Variants in PIK3R1 observed in about 807,000 individuals in gnomAD.
The protein encoded by PIK3R1 is phosphatidylinositol 3-kinase regulatory subunit alpha.
PIK3R1 carries 29 observed loss-of-function variants against 98.0 expected under a neutral mutation model. That is an observed-to-expected ratio of 0.30 (90% CI 0.22 to 0.40). PIK3R1 has a LOEUF of 0.40. PIK3R1 is among the 10% of genes least tolerant of loss of function. The probability of loss-of-function intolerance (pLI) is 1.00; values close to 1 mark genes in which losing one functional copy is unlikely to be tolerated. For synonymous variants in PIK3R1, 282 were observed against 311.8 expected (o/e 0.90, Z 1.01); for missense variants, 596 against 872.7 (o/e 0.68, Z 3.99).
intron 2 of PIK3R1, among the ~76,000 whole-genome samples, chr5:68,243,867 T>A (rs1744962229): frequency 6.6e-6 from 1 of 152,228 alleles, no homozygotes; most frequent in Non-Finnish European, 1.5e-5. Context: ...CTCCTTAAGC[T>A]TCGTGGACAA....
At chr5:68,294,389 A>G in intron 11 of PIK3R1, 147 bp from the exon 12 acceptor site, 1 of 508,808 alleles carries the variant, frequency 2.0e-6, no homozygotes. Flanking sequence ...CAGAGGAAAT[A>G]CTTGTTTCTG....
intron 7 of PIK3R1, chr5:68,288,747 G>A: frequency 6.2e-7 from 1 of 1,613,698 alleles, no homozygotes; most frequent in South Asian, 1.1e-5. Context: ...TGCATAACCT[G>A]CAAAGTAAGT....
rs540078179 is a variant in PIK3R1 at position 68,233,918 on chromosome 5, TTGTC to T, written c.334+6915_334+6918del. Among the ~76,000 whole-genome samples the T allele has an allele frequency of 5.0e-4, 76 of 152,366 alleles. 1 individual carries two copies. The South Asian group carries it at 6.8e-3, about 14-fold the overall frequency. ...GGAGGTGTTTGCGATGTATTTGTAT[TTGTC>T]TGTCTATCTATTCTCAGTTGGTAGA... On this transcript the variant is annotated intron_variant, in intron 2 of 15. Transcript: ENST00000521381.
chr5:68,288,670 GA>G, intron 7 of PIK3R1: 1 of 1,609,932 alleles, frequency 6.2e-7, no homozygotes, highest in South Asian at 1.1e-5. Context: ...CTTGGTGGAA[GA>G]ACAGCTTTGG....
At chr5:68,232,659 C>T (rs112425859) in intron 2 of PIK3R1, among the ~76,000 whole-genome samples, 3,064 of 152,276 alleles carry the variant, frequency 0.02, 86 homozygotes, top group African/African-American at 0.065. Context: ...GTTTCTGCCT[C>T]TGTCCTTTAG....
At chr5:68,258,888 C>T (rs980152731) in intron 2 of PIK3R1, among the ~76,000 whole-genome samples, 1 of 152,316 alleles carries the variant, frequency 6.6e-6, no homozygotes, top group Non-Finnish European at 1.5e-5. Flanking sequence ...CGACTAAATG[C>T]CTTCCAATAG....
At chr5:68,234,380 A>T (rs140657332) in intron 2 of PIK3R1, among the ~76,000 whole-genome samples, 2 of 152,354 alleles carry the variant, frequency 1.3e-5, no homozygotes, top group Non-Finnish European at 2.9e-5. Flanking sequence ...GAGAGGATTT[A>T]TGCAGAGAAA....
chr5:68,229,993 G>C (rs946059439), intron 2 of PIK3R1, among the ~76,000 whole-genome samples: 2 of 152,192 alleles, frequency 1.3e-5, no homozygotes, highest in Non-Finnish European at 2.9e-5. Context: ...TCCTTATTTT[G>C]TGCTGGAAAG....
chr5:68,255,825 C>T (rs760499627), intron 2 of PIK3R1, among the ~76,000 whole-genome samples: 4 of 152,112 alleles, frequency 2.6e-5, no homozygotes, highest in Non-Finnish European at 5.9e-5. Context: ...ATTACAAATT[C>T]CCAAAAAGTG....
intron 2 of PIK3R1, among the ~76,000 whole-genome samples, chr5:68,264,665 C>T (rs1746048722): frequency 6.6e-6 from 1 of 152,182 alleles, no homozygotes; most frequent in Non-Finnish European, 1.5e-5. Flanking sequence ...TCCCTAACTC[C>T]TCCCACCCCA....
At chr5:68,280,422 C>A (rs989887379) in intron 5 of PIK3R1, 106 bp from the exon 6 acceptor site, 11 of 765,744 alleles carry the variant, frequency 1.4e-5, no homozygotes, top group Admixed American at 2.3e-5. Context: ...TTTTAAATGA[C>A]TCCTATAGCT....
Position 68,298,770 on chromosome 5 carries a change from A to G in PIK3R1, c.*1169A>G, listed in dbSNP as rs1446475087. The G allele has an allele frequency of 4.3e-6, 1 of 233,512 alleles. No homozygotes were observed. Among genetic ancestry groups the G allele is most frequent in the East Asian group, 6.1e-5 (1 of 16,526 alleles). 14.5% of individuals were successfully genotyped at this position (233,512 alleles called of 1,614,324 possible). ...AATGAAAAAGATATATGAATATGAC[A>G]AAGTATTGCTGAGTCCAACAATGTT... On this transcript the variant is annotated 3_prime_UTR_variant, in exon 16 of 16. Coordinates refer to ENST00000521381, the MANE Select transcript of PIK3R1 (RefSeq NM_181523.3).
chr5:68,255,724 A>G (rs1175300391), intron 2 of PIK3R1, among the ~76,000 whole-genome samples: 1 of 152,230 alleles, frequency 6.6e-6, no homozygotes, highest in East Asian at 1.9e-4. Flanking sequence ...GCTGCTCCCT[A>G]TAGCACTGGA....
chr5:68,252,682 T>C (rs1162191818), intron 2 of PIK3R1, among the ~76,000 whole-genome samples: 2 of 152,212 alleles, frequency 1.3e-5, no homozygotes, highest in Non-Finnish European at 2.9e-5. Context: ...TTACTGATAA[T>C]CAGAACAAAG....
intron 14 of PIK3R1, chr5:68,295,768 A>G (rs1373870530): frequency 2.0e-6 from 1 of 502,732 alleles, no homozygotes; most frequent in African/African-American, 1.9e-5. Context: ...TTTTTGGAAC[A>G]GTCAGAGAAA....
intron 2 of PIK3R1, among the ~76,000 whole-genome samples, chr5:68,244,353 A>G (rs1744984523): frequency 6.6e-6 from 1 of 152,124 alleles, no homozygotes; most frequent in Non-Finnish European, 1.5e-5. Flanking sequence ...ATCATAATTA[A>G]AGACTTTGGG....
intron 4 of PIK3R1, among the ~76,000 whole-genome samples, chr5:68,279,149 T>C (rs1047505107): frequency 6.6e-6 from 1 of 152,152 alleles, no homozygotes; most frequent in Non-Finnish European, 1.5e-5. Context: ...ATCAGTTACA[T>C]TGGATTAGAG....
intron 1 of PIK3R1, among the ~76,000 whole-genome samples, chr5:68,221,209 A>G (rs367599058): frequency 3.2e-4 from 49 of 152,246 alleles, no homozygotes; most frequent in African/African-American, 1.2e-3. Context: ...TAAATTACCC[A>G]GTCTCAGGAA....
intron 2 of PIK3R1, among the ~76,000 whole-genome samples, chr5:68,255,787 C>T (rs1745491017): frequency 1.3e-5 from 2 of 152,204 alleles, no homozygotes; most frequent in Non-Finnish European, 2.9e-5. Flanking sequence ...TATACAGAGT[C>T]ATAAATGTTC....
Sources: gnomAD v4.1 joint callset for allele counts (sites outside exome capture counted in the v4.1 genomes callset) on GRCh38, gnomAD v4.1.1 for gene constraint, MANE v1.5 for transcripts, NCBI Gene and HGNC (gene_info 2026-07-23, HGNC 2026-07-21) for gene names.